The following MEF2C variants were observed in gnomAD, a reference collection of about 807,000 sequenced individuals.
The protein encoded by MEF2C is myocyte enhancer factor 2C.
MEF2C carries 6 observed loss-of-function variants against 50.5 expected under a neutral mutation model. The ratio of observed to expected loss-of-function variants is 0.12; its 90% CI spans 0.07 to 0.23. The LOEUF (loss-of-function observed/expected upper bound fraction) is 0.23. Ranked by LOEUF, MEF2C falls within the 10% of genes least tolerant of loss-of-function variation. The pLI, the probability that MEF2C is intolerant of heterozygous loss-of-function variation, is 1.00. For synonymous variants in MEF2C, 183 were observed against 228.0 expected, an observed-to-expected ratio of 0.80 and a Z score of 1.78; for missense variants, 276 against 605.0, an observed-to-expected ratio of 0.46 and a Z score of 5.70.
chr5:88,897,430 T>C (rs569639202), intron 1 of MEF2C, among the ~76,000 whole-genome samples: 1 of 152,314 alleles, frequency 6.6e-6, no homozygotes, highest in African/African-American at 2.4e-5. Context: ...CACAGGTCAG[T>C]GATGATTAAC....
At chr5:88,892,449 T>G (rs1263673397) in intron 1 of MEF2C, among the ~76,000 whole-genome samples, 1 of 152,218 alleles carries the variant, frequency 6.6e-6, no homozygotes, top group Non-Finnish European at 1.5e-5. Context: ...AATTAGCCAT[T>G]CTTAATCTAA....
At chr5:88,868,848 A>C (rs1828234181) in intron 1 of MEF2C, among the ~76,000 whole-genome samples, 1 of 152,218 alleles carries the variant, frequency 6.6e-6, no homozygotes, top group Non-Finnish European at 1.5e-5. Context: ...GGCAGTAAAA[A>C]GTGAACTCCA....
chr5:88,880,993 T>C (rs893777282), intron 1 of MEF2C: 1 of 152,118 alleles, frequency 6.6e-6, no homozygotes, highest in African/African-American at 2.4e-5. Flanking sequence ...AATTAATGAA[T>C]GAAGTAAAAT....
intron 1 of MEF2C, among the ~76,000 whole-genome samples, chr5:88,873,753 G>T: frequency 7.4e-6 from 1 of 134,942 alleles, no homozygotes; most frequent in East Asian, 2.1e-4. Flanking sequence ...TATGTAAAGG[G>T]GGAAATATTC....
In MEF2C at chr5:88,733,045, C is replaced by G. The variant is rs1339431709; in HGVS notation, c.638-1144G>C. 3.1e-6 allele frequency: 3 copies of G among 979,568 alleles called. No individual in the cohort carries two copies. The African/African-American group carries it at 5.3e-5, about 17-fold the overall frequency. 60.7% of individuals were successfully genotyped at this position (979,568 alleles called of 1,614,324 possible). A position where few individuals can be genotyped will look rare whatever the true frequency, so the allele number is the denominator to read the frequency against. ...TCTCTTTGTGGTAATCCAATACATA[C>G]TCATGGAAAACATAAAGACCAATAC... On this transcript the variant is annotated intron_variant, in intron 6 of 10. Coordinates refer to ENST00000504921, the MANE Select transcript of MEF2C (RefSeq NM_002397.5).
At chr5:88,730,347 A>G in intron 7 of MEF2C, 113 bp from the exon 8 acceptor site, 2 of 1,195,650 alleles carry the variant, frequency 1.7e-6, no homozygotes. Context: ...CAGTTTAAAC[A>G]GTTTTAAAAC....
chr5:88,875,855 C>T (rs1038377205), intron 1 of MEF2C, among the ~76,000 whole-genome samples: 1 of 151,864 alleles, frequency 6.6e-6, no homozygotes, highest in African/African-American at 2.4e-5. Context: ...TGGCACTGTG[C>T]ACAGTATCTG....
intron 9 of MEF2C, 147 bp downstream of exon 9, chr5:88,729,071 T>G: frequency 1.2e-6 from 1 of 804,436 alleles, no homozygotes; most frequent in Non-Finnish European, 1.9e-6. Context: ...ATTCACTTTG[T>G]CTTAGTGAAG....
intron 1 of MEF2C, among the ~76,000 whole-genome samples, chr5:88,873,203 C>A (rs759727825): frequency 3.9e-5 from 6 of 151,984 alleles, no homozygotes; most frequent in Non-Finnish European, 8.8e-5. Context: ...AACGAATATA[C>A]CATCCAGTGA....
intron 6 of MEF2C, chr5:88,741,307 G>A (rs1358288461): frequency 2.0e-6 from 2 of 983,266 alleles, no homozygotes; most frequent in Non-Finnish European, 2.4e-6. Context: ...CTTACTCTGG[G>A]GCAGAAACTG....
intron 1 of MEF2C, among the ~76,000 whole-genome samples, chr5:88,831,641 G>C (rs941866721): frequency 1.3e-5 from 2 of 151,886 alleles, no homozygotes; most frequent in African/African-American, 2.4e-5. Flanking sequence ...CATTTAGAAG[G>C]TTTACACAGA....
intron 3 of MEF2C, chr5:88,781,927 C>G (rs528952319): frequency 6.1e-6 from 1 of 165,100 alleles, no homozygotes; most frequent in African/African-American, 2.4e-5. Flanking sequence ...GAGCCGAGAT[C>G]GTGCCATTGT....
chr5:88,900,404 A>G (rs1835529288), intron 1 of MEF2C, among the ~76,000 whole-genome samples: 1 of 151,692 alleles, frequency 6.6e-6, no homozygotes, highest in Non-Finnish European at 1.5e-5. Context: ...ATTACTCCCA[A>G]TCTTAAAAAA....
intron 4 of MEF2C, among the ~76,000 whole-genome samples, chr5:88,760,697 A>G (rs1777453730): frequency 6.6e-6 from 1 of 152,222 alleles, no homozygotes; most frequent in African/African-American, 2.4e-5. Flanking sequence ...TGTGATTTGC[A>G]TGGACTGTGT....
chr5:88,809,879 T>A (rs914062165), intron 2 of MEF2C, among the ~76,000 whole-genome samples: 1 of 152,166 alleles, frequency 6.6e-6, no homozygotes, highest in Admixed American at 6.6e-5. Flanking sequence ...CTTTCTTTGA[T>A]GCTTTCCTTG....
At chr5:88,807,423 G>A (rs1198803131) in intron 2 of MEF2C, among the ~76,000 whole-genome samples, 1 of 152,096 alleles carries the variant, frequency 6.6e-6, no homozygotes, top group Non-Finnish European at 1.5e-5. Context: ...TACTAGAAAC[G>A]AGGTTTCCCT....
At chr5:88,880,599 GTATT>G (rs1417513559) in intron 1 of MEF2C, among the ~76,000 whole-genome samples, 4 of 152,098 alleles carry the variant, frequency 2.6e-5, no homozygotes, top group African/African-American at 9.7e-5. Flanking sequence ...TTTAAATAAA[GTATT>G]TATTAGAAAG....
At chr5:88,826,491 A>G (rs553550123) in intron 1 of MEF2C, among the ~76,000 whole-genome samples, 73 of 152,016 alleles carry the variant, frequency 4.8e-4, no homozygotes, top group Non-Finnish European at 9.3e-4. Context: ...AACGTGGTTT[A>G]GAACATTTGA....
chr5:88,877,195 T>C lies in MEF2C; in HGVS notation c.-143+5760A>G, dbSNP rs371978802. 5.9e-5 allele frequency among the ~76,000 whole-genome samples: 9 copies of C among 152,192 alleles called. No individual in the cohort carries two copies. The South Asian group carries it at 1.9e-3, about 32-fold the overall frequency. Reference sequence around the variant, plus strand: ...CTGCCTGTAATATGTTTACTGTTTTTATTGCTTGTAATGTCGTCAATTTCC... The same window carrying C: ...CTGCCTGTAATATGTTTACTGTTTTCATTGCTTGTAATGTCGTCAATTTCC... On this transcript the variant is annotated intron_variant, in intron 1 of 10. Coordinates refer to ENST00000504921, the MANE Select transcript of MEF2C (RefSeq NM_002397.5).
Sources: allele counts gnomAD v4.1 joint callset (sites outside exome capture counted in the v4.1 genomes callset), GRCh38; gene constraint gnomAD v4.1.1; transcripts MANE v1.5; gene names NCBI Gene and HGNC (gene_info 2026-07-23, HGNC 2026-07-21).